TKTL1: variants seen among roughly 807,000 people sequenced by gnomAD.
TKTL1 encodes transketolase-like protein 1.
TKTL1 carries 1 observed loss-of-function variant against 39.3 expected under a neutral mutation model. That is an observed-to-expected ratio of 0.03 (90% CI 0.01 to 0.12). The LOEUF (loss-of-function observed/expected upper bound fraction) is 0.12, where lower values mean the gene tolerates loss of function less well. Ranked by LOEUF, TKTL1 falls within the 10% of genes least tolerant of loss-of-function variation. TKTL1 has a pLI of 1.00. For missense variants in TKTL1, 575 were observed against 509.6 expected (o/e 1.13, Z -1.24); for synonymous variants, 262 against 193.8 (o/e 1.35, Z -2.92).
chrX:154,301,977 A>C (rs1557166040), intron 1 of TKTL1, among the ~76,000 whole-genome samples: 1 of 109,183 alleles, frequency 9.2e-6, no homozygotes, highest in East Asian at 2.8e-4. Flanking sequence ...AAAATCATTC[A>C]GCGTGGGCAC....
intron 1 of TKTL1, among the ~76,000 whole-genome samples, chrX:154,298,063 T>G (rs1440242595): frequency 8.9e-6 from 1 of 112,053 alleles, no homozygotes; most frequent in Non-Finnish European, 1.9e-5. Context: ...TCAGATTTTC[T>G]TGTCCTGATT....
Position 154,295,958 on chromosome X carries a change from C to G in TKTL1, c.99C>G (p.Ile33Met), listed in dbSNP as rs782491545. 3.3e-6 allele frequency: 4 copies of G among 1,211,952 alleles called. No homozygotes were observed. Among genetic ancestry groups the G allele is most frequent in the East Asian group, 3.0e-5 (1 of 33,839 alleles). ...VLQDMASRLR[I>M]HSIRATCSTS... ...AAGATATGGCCAGCCGCTTGCGAAT[C>G]CATTCCATCAGGGCCACATGCTCCA... is the stretch of plus-strand genomic sequence containing the variant. The change falls in exon 1 of 13, where the codon ATC (isoleucine) becomes ATG (methionine). Residue 33 changes from isoleucine to methionine, a missense_variant. Coordinates refer to ENST00000369915, the MANE Select transcript of TKTL1 (RefSeq NM_012253.4).
rs1250267657 is a variant in TKTL1, at chrX:154,305,028, A to G, written c.135-276A>G. The G allele has an allele frequency of 2.8e-6, 3 of 1,081,987 alleles. No individual in the cohort carries two copies. In the East Asian group the frequency reaches 1.3e-4, roughly 48 times the overall value. The allele number at this position is 1,081,987 out of a possible 1,213,427, so 89.2% of individuals were successfully genotyped here. ...GGCCACAGATGAATTTAAGCATGTGAAAGAATACTCATGTCAGAGGCACAA... is the reference window on the plus strand; with the variant it reads ...GGCCACAGATGAATTTAAGCATGTGGAAGAATACTCATGTCAGAGGCACAA... On this transcript the variant is annotated intron_variant, in intron 1 of 12. Coordinates refer to ENST00000369915, the MANE Select transcript of TKTL1 (RefSeq NM_012253.4).
Position 154,295,826 on chromosome X carries a change from G to C in TKTL1, c.-34G>C, listed in dbSNP as rs1412576100. 2.5e-6 allele frequency: 3 copies of C among 1,202,270 alleles called. No individual in the cohort carries two copies. The highest frequency in any genetic ancestry group is 3.0e-5 in the East Asian group (1 of 33,646). The stretch of plus-strand genomic sequence containing the variant: ...CGCTCTTCAGACGCCGGAGACGTAG[G>C]AGTGGGTCTTCAGACTCCAAAGGGG... On this transcript the variant is annotated 5_prime_UTR_variant, in exon 1 of 13. Transcript: ENST00000369915.
intron 2 of TKTL1, among the ~76,000 whole-genome samples, chrX:154,306,901 G>A (rs1191144532): frequency 9.0e-6 from 1 of 110,518 alleles, no homozygotes; most frequent in Non-Finnish European, 1.9e-5. Context: ...CAAAGTGCTG[G>A]GATTACAGGC....
rs782724766 is a variant in TKTL1 at position 154,315,201 on chromosome X, C to T, written c.893C>T (p.Ala298Val). The T allele has an allele frequency of 8.3e-7, 1 of 1,211,615 alleles. No homozygotes were observed. The highest frequency in any genetic ancestry group is 1.1e-6 in the Non-Finnish European group (1 of 895,319). The change falls in exon 7 of 13, where the codon GCT becomes GTT. Residue 298 changes from alanine to valine, a missense_variant. Physicochemically the swap from Ala to Val is moderately conservative, Grantham distance 64 (BLOSUM62 0). Coordinates refer to ENST00000369915, the MANE Select transcript of TKTL1 (RefSeq NM_012253.4). Reference protein sequence around the residue: ...KIATRKACGLALAKLGYANNR... With the variant: ...KIATRKACGLVLAKLGYANNR... ...GCTACTCGGAAAGCATGCGGTCTGG[C>T]TCTGGCTAAGCTGGGCTACGCGAAC...
chrX:154,320,950 C>T, intron 8 of TKTL1, 37 bp downstream of exon 8: 3 of 1,182,336 alleles, frequency 2.5e-6, no homozygotes, highest in Non-Finnish European at 2.3e-6. Flanking sequence ...GGTAGCCTTC[C>T]TCCTTCACAG....
rs1179635832 is a variant in TKTL1, at chrX:154,315,269, T to C, written c.961T>C (p.Phe321Leu). 16 of 1,211,064 alleles carry C rather than the reference T, an allele frequency of 1.3e-5. No individual in the cohort carries two copies. The highest frequency in any genetic ancestry group is 7.0e-5 in the South Asian group (4 of 56,930). The change falls in exon 7 of 13, where the codon TTC (phenylalanine) becomes CTC (leucine). Residue 321 changes from phenylalanine (F) to leucine (L), a missense_variant. Physicochemically the swap from Phe to Leu is conservative, Grantham distance 22. Coordinates refer to ENST00000369915, the MANE Select transcript of TKTL1 (RefSeq NM_012253.4). Reference protein sequence around the residue: ...VLDGDTRYSTFSEIFNKEYPE... With the variant: ...VLDGDTRYSTLSEIFNKEYPE... ...GGATGGTGACACCAGGTACTCTACT[T>C]TCTCTGAGATATTCAACAAGGAGTA... is the stretch of plus-strand genomic sequence containing the variant.
intron 5 of TKTL1, 145 bp downstream of exon 5, chrX:154,311,383 GCT>G: frequency 1.2e-6 from 1 of 845,931 alleles, no homozygotes; most frequent in South Asian, 2.5e-5. Context: ...GGAGGCTCCT[GCT>G]CTCTTATTTT....
chrX:154,312,486 G>A, intron 5 of TKTL1, 94 bp from the exon 6 acceptor site: 1 of 911,015 alleles, frequency 1.1e-6, no homozygotes, highest in Non-Finnish European at 1.5e-6. Context: ...GTCCTAGGGT[G>A]ACATCTTTTT....
At chrX:154,327,718 C>G (rs2067503503) in intron 11 of TKTL1, 31 bp downstream of exon 11, 1 of 1,199,122 alleles carries the variant, frequency 8.3e-7, no homozygotes. Context: ...CATTGAAGTT[C>G]AAGCTGGGAA....
At chrX:154,302,399 G>C (rs1557166164) in intron 1 of TKTL1, among the ~76,000 whole-genome samples, 2 of 111,413 alleles carry the variant, frequency 1.8e-5, no homozygotes, top group African/African-American at 3.3e-5. Flanking sequence ...GTCTCTCACT[G>C]TCTGGAGGCT....
At position 154,323,969 on chromosome X, in the gene TKTL1, T is replaced by C. The variant is rs112971774; in HGVS notation, c.1317+632T>C. On this transcript the variant is annotated intron_variant, in intron 9 of 12. Transcript: ENST00000369915. The stretch of plus-strand genomic sequence containing the variant: ...CCCACTAACGTTCAGCAGGTTTCCC[T>C]TGCCACCCTGGACCTCGCCCATGCG... Among the ~76,000 whole-genome samples, 500 of 112,771 alleles carry C rather than the reference T, an allele frequency of 4.4e-3. 3 individuals are homozygous for C. Among genetic ancestry groups the C allele is most frequent in the Middle Eastern group, 0.014 (3 of 217 alleles).
intron 8 of TKTL1, among the ~76,000 whole-genome samples, chrX:154,322,198 A>G (rs1298274490): frequency 1.1e-5 from 1 of 89,706 alleles, no homozygotes; most frequent in Non-Finnish European, 2.1e-5. Context: ...ACACCACTGC[A>G]CTCCAGCCTG....
At position 154,295,840 on chromosome X, in the gene TKTL1, A is replaced by T. The variant is rs1557164170; in HGVS notation, c.-20A>T. On this transcript the variant is annotated 5_prime_UTR_variant, in exon 1 of 13. Transcript: ENST00000369915. ...CGGAGACGTAGGAGTGGGTCTTCAG[A>T]CTCCAAAGGGGTTGGACTAATGGCG... is the stretch of plus-strand genomic sequence containing the variant. The T allele has an allele frequency of 1.7e-6, 2 of 1,205,078 alleles. No homozygotes were observed. Among genetic ancestry groups the T allele is most frequent in the Non-Finnish European group, 1.1e-6 (1 of 892,015 alleles).
chrX:154,305,446 T>C (rs1557167042), intron 2 of TKTL1, 25 bp downstream of exon 2: 1 of 1,193,068 alleles, frequency 8.4e-7, no homozygotes, highest in Non-Finnish European at 1.1e-6. Context: ...AGCCCAGGGC[T>C]GCTGTGGCGC....
At chrX:154,327,379 G>A (rs781901461) in intron 10 of TKTL1, 10 of 552,839 alleles carry the variant, frequency 1.8e-5, no homozygotes, top group Non-Finnish European at 2.3e-5. Context: ...GGTATGTGGC[G>A]TATCCATGCT....
intron 1 of TKTL1, among the ~76,000 whole-genome samples, chrX:154,302,195 TTC>T (rs1242739491): frequency 9.0e-6 from 1 of 111,216 alleles, no homozygotes; most frequent in Non-Finnish European, 1.9e-5. Context: ...CCATTCCTCT[TTC>T]TTTTTTTTTT....
intron 3 of TKTL1, among the ~76,000 whole-genome samples, chrX:154,310,053 C>T (rs148783624): frequency 7.2e-5 from 8 of 110,946 alleles, no homozygotes; most frequent in African/African-American, 2.0e-4. Context: ...TTTCTTGATG[C>T]GAACACTCAC....
Sources: gnomAD v4.1 joint callset for allele counts (sites outside exome capture counted in the v4.1 genomes callset) on GRCh38, gnomAD v4.1.1 for gene constraint, MANE v1.5 for transcripts, NCBI Gene and HGNC (gene_info 2026-07-23, HGNC 2026-07-21) for gene names.